PIGN: variants seen among roughly 807,000 people sequenced by gnomAD.
The protein encoded by PIGN is phosphatidylinositol glycan anchor biosynthesis class N.
In PIGN, 117 loss-of-function variants were observed where a neutral mutation model predicts 125.4. The observed-to-expected ratio is 0.93, with a 90% CI of 0.80 to 1.09. PIGN has a LOEUF of 1.09. PIGN is among the 50% of genes least tolerant of loss of function. The pLI, the probability that PIGN is intolerant of heterozygous loss-of-function variation, is 0.00. For missense variants in PIGN, 1,075 were observed against 1,094.9 expected (o/e 0.98, Z 0.26); for synonymous variants, 392 against 377.8 (o/e 1.04, Z -0.44).
intron 14 of PIGN, among the ~76,000 whole-genome samples, chr18:62,127,300 A>C (rs377437815): frequency 1.3e-5 from 2 of 152,228 alleles, no homozygotes; most frequent in African/African-American, 4.8e-5. Flanking sequence ...CCTATCTTAA[A>C]TGTACTCAGA....
chr18:62,042,924 A>G lies in PIGN; in HGVS notation c.*2932T>C, dbSNP rs1466623290. The G allele has an allele frequency of 3.6e-5, 1 of 27,730 alleles. No homozygotes were observed. Among genetic ancestry groups the G allele is most frequent in the Non-Finnish European group, 1.0e-4 (1 of 9,980 alleles). 1.7% of individuals were successfully genotyped at this position (27,730 alleles called of 1,614,324 possible). On this transcript the variant is annotated 3_prime_UTR_variant, in exon 31 of 31. Transcript: ENST00000640252. ...GAGACCCTGTCTCAAAACAAAAACG[A>G]AAAAAAAAAAAACAAAAAACCATGC...
chr18:62,111,211 G>C (rs1431054533), intron 16 of PIGN, among the ~76,000 whole-genome samples: 1 of 151,946 alleles, frequency 6.6e-6, no homozygotes, highest in Non-Finnish European at 1.5e-5. Flanking sequence ...TCTATATTAT[G>C]AGAATCATAA....
chr18:62,041,216 A>G lies in PIGN; in HGVS notation c.*4640T>C, dbSNP rs1204624158. 1.3e-5 allele frequency: 2 copies of G among 152,212 alleles called. No homozygotes were observed. Among genetic ancestry groups the G allele is most frequent in the Non-Finnish European group, 2.9e-5 (2 of 68,040 alleles). The allele number at this position is 152,212 out of a possible 1,614,324, so 9.4% of individuals were successfully genotyped here. A position where few individuals can be genotyped will look rare whatever the true frequency, so the allele number is the denominator to read the frequency against. On this transcript the variant is annotated 3_prime_UTR_variant, in exon 31 of 31. Coordinates refer to ENST00000640252, the MANE Select transcript of PIGN (RefSeq NM_176787.5). Reference sequence around the variant, plus strand: ...AGGTAAAAGATATAAAACATAAGGTATGAAGGCTTAGTCTATACTCTAGCA... The same window carrying G: ...AGGTAAAAGATATAAAACATAAGGTGTGAAGGCTTAGTCTATACTCTAGCA...
chr18:62,057,588 C>A (rs191655804), intron 30 of PIGN, among the ~76,000 whole-genome samples: 222 of 152,312 alleles, frequency 1.5e-3, no homozygotes, highest in Non-Finnish European at 2.5e-3. Flanking sequence ...CCAATAGGTT[C>A]TTTACATTGT....
chr18:62,135,836 C>T (rs1263538192), intron 14 of PIGN: 1 of 151,990 alleles, frequency 6.6e-6, no homozygotes, highest in Non-Finnish European at 1.5e-5. Flanking sequence ...CCACACTGGC[C>T]AGGCTCCTAA....
At chr18:62,034,034 T>C (rs2030227858) in intron 23 of PIGN, among the ~76,000 whole-genome samples, 1 of 152,190 alleles carries the variant, frequency 6.6e-6, no homozygotes, top group Non-Finnish European at 1.5e-5. Context: ...CTAGAGTGCA[T>C]AAATTCTGCC....
In PIGN at chr18:62,074,825, GA is replaced by G. The variant is rs138671843; in HGVS notation, c.2577-5del. On this transcript the variant is annotated splice_polypyrimidine_tract_variant and splice_region_variant and intron_variant, in intron 28 of 30. Coordinates refer to ENST00000640252, the MANE Select transcript of PIGN (RefSeq NM_176787.5). ...GACGAGAACAATGAGAAAAAGGCTG[GA>G]AAAAAAAAGAAGGAAAAATTACATC... 1.1e-4 allele frequency: 166 copies of G among 1,572,492 alleles called. 1 individual carries two copies. Among genetic ancestry groups the G allele is most frequent in the East Asian group, 9.8e-4 (43 of 43,770 alleles).
chr18:62,055,740 A>T (rs991868503), intron 30 of PIGN, among the ~76,000 whole-genome samples: 10 of 151,738 alleles, frequency 6.6e-5, no homozygotes, highest in South Asian at 6.3e-4. Context: ...TTAATTAAAA[A>T]TTTTTTTTAG....
chr18:62,105,743 C>T, intron 19 of PIGN, 109 bp from the exon 20 acceptor site: 2 of 550,602 alleles, frequency 3.6e-6, no homozygotes, highest in Non-Finnish European at 6.5e-6. Flanking sequence ...CAAAGCCTTA[C>T]AGCTGTTTAT....
At chr18:62,065,184 CTCTT>C (rs2032435963) in intron 30 of PIGN, among the ~76,000 whole-genome samples, 1 of 152,142 alleles carries the variant, frequency 6.6e-6, no homozygotes, top group South Asian at 2.1e-4. Flanking sequence ...TCCTTCCTTT[CTCTT>C]TCTCTTTCCT....
intron 30 of PIGN, among the ~76,000 whole-genome samples, chr18:62,060,577 T>C (rs1410110391): frequency 6.6e-6 from 1 of 152,218 alleles, no homozygotes; most frequent in Non-Finnish European, 1.5e-5. Context: ...TTGAATAGAA[T>C]CATGAGTTCT....
intron 10 of PIGN, among the ~76,000 whole-genome samples, chr18:62,145,166 T>C (rs1038505636): frequency 6.6e-6 from 1 of 152,214 alleles, no homozygotes; most frequent in Admixed American, 6.5e-5. Context: ...AAGCAGGGGC[T>C]ATCTCAAAGA....
intron 1 of PIGN, among the ~76,000 whole-genome samples, chr18:62,168,639 A>G (rs1256214716): frequency 1.3e-4 from 20 of 152,120 alleles, no homozygotes; most frequent in Admixed American, 1.3e-3. Context: ...TTCAACATCA[A>G]TGTAATATTT....
At chr18:62,148,373 C>G in intron 7 of PIGN, 35 bp from the exon 8 acceptor site, 1 of 1,349,718 alleles carries the variant, frequency 7.4e-7, no homozygotes, top group Non-Finnish European at 9.9e-7. Flanking sequence ...ATATTTAGTT[C>G]ATTTGTTTTA....
chr18:62,084,950 A>T (rs1010232959), intron 26 of PIGN, among the ~76,000 whole-genome samples: 1 of 152,130 alleles, frequency 6.6e-6, no homozygotes, highest in African/African-American at 2.4e-5. Context: ...TCTACTAAAA[A>T]TACAAAAATT....
At chr18:62,177,046 A>C (rs2037550335) in intron 1 of PIGN, among the ~76,000 whole-genome samples, 1 of 152,224 alleles carries the variant, frequency 6.6e-6, no homozygotes, top group Non-Finnish European at 1.5e-5. Context: ...AGTTTTATGG[A>C]TAGCTCTGAT....
chr18:62,119,107 A>T (rs1373957430), intron 14 of PIGN, among the ~76,000 whole-genome samples: 1 of 152,150 alleles, frequency 6.6e-6, no homozygotes, highest in African/African-American at 2.4e-5. Flanking sequence ...GACAAACCAG[A>T]GATCAAAGGA....
At chr18:62,059,052 G>C (rs1455110844) in intron 30 of PIGN, 1 of 151,592 alleles carries the variant, frequency 6.6e-6, no homozygotes, top group Non-Finnish European at 1.5e-5. Flanking sequence ...AATTACCCGG[G>C]TGTCACGGCA....
chr18:62,100,251 C>G (rs573506049), intron 22 of PIGN, among the ~76,000 whole-genome samples: 3 of 152,200 alleles, frequency 2.0e-5, no homozygotes, highest in Middle Eastern at 3.4e-3. Context: ...AAATGCAAAT[C>G]AAAACCACAA....
Sources: allele counts gnomAD v4.1 joint callset (sites outside exome capture counted in the v4.1 genomes callset), GRCh38; gene constraint gnomAD v4.1.1; transcripts MANE v1.5; gene names NCBI Gene and HGNC (gene_info 2026-07-23, HGNC 2026-07-21).